The following ERCC6 variants were observed in gnomAD, a reference collection of about 807,000 sequenced individuals.
The protein encoded by ERCC6 is ERCC excision repair 6, chromatin remodeling factor.
In ERCC6, 116 loss-of-function variants were observed where a neutral mutation model predicts 158.7. That is an observed-to-expected ratio of 0.73 (90% confidence interval 0.63 to 0.85). ERCC6 has a LOEUF of 0.85. Among genes scored for constraint, ERCC6 ranks in the 40% least tolerant of loss-of-function variants. The pLI is 0.00. For synonymous variants in ERCC6, 678 were observed against 659.3 expected (o/e 1.03, Z -0.43); for missense variants, 1,698 against 1,799.4 (o/e 0.94, Z 1.02).
chr10:49,478,008 T>C (rs756377912), intron 11 of ERCC6, among the ~76,000 whole-genome samples: 16 of 152,200 alleles, frequency 1.1e-4, no homozygotes, highest in Admixed American at 2.6e-4. Context: ...TGAGTCCCCA[T>C]GAGAACAAAA....
downstream of ERCC6, among the ~76,000 whole-genome samples, chr10:49,451,404 A>C (rs191057620): frequency 2.8e-3 from 420 of 152,310 alleles, 1 homozygote; most frequent in African/African-American, 9.8e-3. Context: ...AAGTATAAAG[A>C]AAGCTGTAGA....
intron 18 of ERCC6, among the ~76,000 whole-genome samples, chr10:49,467,111 T>C (rs562847786): frequency 5.9e-5 from 9 of 152,224 alleles, no homozygotes; most frequent in Non-Finnish European, 1.0e-4. Context: ...GGATATGCCA[T>C]GGTTAGTTTA....
At position 49,526,131 on chromosome 10, in the gene ERCC6, A is replaced by T. The variant is rs112090508; in HGVS notation, c.653-1354T>A. On this transcript the variant is annotated intron_variant, in intron 4 of 20. Transcript: ENST00000355832. The stretch of plus-strand genomic sequence containing the variant: ...TTTATATATTTTTATATATATATAT[A>T]TATATATATATATATATATATATAT... Among the ~76,000 whole-genome samples, 88 of 17,422 alleles carry T rather than the reference A, an allele frequency of 5.1e-3. 3 individuals carry two copies. Among genetic ancestry groups the T allele is most frequent in the African/African-American group, 0.011 (80 of 7,332 alleles). 11.4% of individuals were successfully genotyped at this position (17,422 alleles called of 152,430 possible). A position where few individuals can be genotyped will look rare whatever the true frequency, so the allele number is the denominator to read the frequency against.
At chr10:49,539,249 C>T (rs1048529066), upstream of ERCC6, among the ~76,000 whole-genome samples, 4 of 152,272 alleles carry the variant, frequency 2.6e-5, no homozygotes, top group Admixed American at 1.3e-4. Flanking sequence ...TGCCGGTCAG[C>T]TGGGTGGCTT....
chr10:49,470,911 C>A, intron 17 of ERCC6, 22 bp from the exon 18 acceptor site: 1 of 1,613,598 alleles, frequency 6.2e-7, no homozygotes, highest in Non-Finnish European at 8.5e-7. Context: ...AAAAACACCA[C>A]TAATACTATA....
At chr10:49,485,865 A>G (rs1003788026) in intron 8 of ERCC6, among the ~76,000 whole-genome samples, 4 of 152,202 alleles carry the variant, frequency 2.6e-5, no homozygotes, top group Non-Finnish European at 5.9e-5. Flanking sequence ...ACCCACCACA[A>G]GACAGTGAGT....
chr10:49,465,339 T>C (rs890258872), intron 18 of ERCC6, among the ~76,000 whole-genome samples: 2 of 152,236 alleles, frequency 1.3e-5, no homozygotes, highest in Non-Finnish European at 2.9e-5. Context: ...AACCCTATTG[T>C]ATCTAGGAAG....
Position 49,457,617 on chromosome 10 carries a change from A to G in ERCC6, c.*1198T>C, listed in dbSNP as rs1850504757. On this transcript the variant is annotated 3_prime_UTR_variant, in exon 21 of 21. Coordinates refer to ENST00000355832, the MANE Select transcript of ERCC6 (RefSeq NM_000124.4). ...AGGAGGGCAGGCATACTACAGAAAA[A>G]TGAGAGAGAGGAAAAGAGCATGCCA... is the stretch of plus-strand genomic sequence containing the variant. 1 of 152,260 alleles carries G rather than the reference A, an allele frequency of 6.6e-6. No individual in the cohort carries two copies. The highest frequency in any genetic ancestry group is 2.4e-5 in the African/African-American group (1 of 41,458). 9.4% of individuals were successfully genotyped at this position (152,260 alleles called of 1,614,324 possible).
the ERCC6 span, among the ~76,000 whole-genome samples, chr10:49,436,996 T>C: frequency 6.6e-6 from 1 of 152,148 alleles, no homozygotes; most frequent in African/African-American, 2.4e-5. Context: ...GAATTGTAGC[T>C]CCCATAATTC....
At chr10:49,500,077 C>T (rs890032214) in intron 7 of ERCC6, among the ~76,000 whole-genome samples, 3 of 152,164 alleles carry the variant, frequency 2.0e-5, no homozygotes, top group African/African-American at 7.2e-5. Context: ...CTCCAACTCT[C>T]CCCATGAATA....
chr10:49,438,345 G>A, the ERCC6 span, among the ~76,000 whole-genome samples: 5 of 152,152 alleles, frequency 3.3e-5, no homozygotes, highest in Non-Finnish European at 7.3e-5. Flanking sequence ...GGAGGCAAAA[G>A]GCACTTCTTA....
In ERCC6 at chr10:49,472,971, G is replaced by C; in HGVS notation, c.2767C>G (p.Leu923Val). Residue 923 changes from leucine (L) to valine (V), a missense_variant, in exon 15 of 21, where the codon CTG becomes GTG. Physicochemically the swap from Leu to Val is conservative, Grantham distance 32 (BLOSUM62 1). Transcript: ENST00000355832. Reference protein sequence around the residue: ...TTRVGGLGVNLTGANRVVIYD... With the variant: ...TTRVGGLGVNVTGANRVVIYD... ...ATGACAACTCTGTTTGCCCCCGTCA[G>C]GTTGACACCTAAGCCGCCCACCCGC... The C allele has an allele frequency of 6.2e-7, 1 of 1,614,164 alleles. No homozygotes were observed. Among genetic ancestry groups the C allele is most frequent in the South Asian group, 1.1e-5 (1 of 91,078 alleles).
chr10:49,441,304 T>G, the ERCC6 span, among the ~76,000 whole-genome samples: 3 of 152,202 alleles, frequency 2.0e-5, no homozygotes, highest in African/African-American at 7.2e-5. Flanking sequence ...AGGATTTTAG[T>G]GCTTGCCACA....
chr10:49,498,504 G>A (rs1016092727), intron 7 of ERCC6, among the ~76,000 whole-genome samples: 2 of 152,144 alleles, frequency 1.3e-5, no homozygotes, highest in Admixed American at 1.3e-4. Flanking sequence ...GAGCGGGGGG[G>A]ACCACACTCC....
the ERCC6 span, among the ~76,000 whole-genome samples, chr10:49,443,154 A>T: frequency 6.6e-6 from 1 of 152,216 alleles, no homozygotes; most frequent in African/African-American, 2.4e-5. Flanking sequence ...ACTGAATTCT[A>T]ACTTCTGAAA....
intron 1 of ERCC6, among the ~76,000 whole-genome samples, chr10:49,535,277 G>A (rs773942113): frequency 2.0e-5 from 3 of 152,256 alleles, no homozygotes; most frequent in African/African-American, 2.4e-5. Context: ...GCAGCATGCA[G>A]TCAGAAATGC....
At position 49,470,789 on chromosome 10, in the gene ERCC6, A is replaced by G; in HGVS notation, c.3171T>C (p.Pro1057=). The G allele has an allele frequency of 6.2e-7, 1 of 1,614,196 alleles. No individual in the cohort carries two copies. The highest frequency in any genetic ancestry group is 8.5e-7 in the Non-Finnish European group (1 of 1,180,030). Residue 1057 remains proline (P), a synonymous_variant, in exon 18 of 21, where the codon CCT becomes CCC. Coordinates refer to ENST00000355832, the MANE Select transcript of ERCC6 (RefSeq NM_000124.4). ...DHDVPKRKKF[P]ASNISVNDAT... is the part of the protein sequence containing the mutation. ...CATCATTTACAGATATGTTAGAAGC[A>G]GGGAACTTCTTGCGTTTTGGAACAT...
chr10:49,515,146 AT>A (rs764106200), intron 5 of ERCC6: 2 of 1,298,648 alleles, frequency 1.5e-6, no homozygotes, highest in Non-Finnish European at 2.0e-6. Context: ...AATTTTTTGA[AT>A]TTTTGCATGA....
rs1850765501 is a variant in ERCC6, at chr10:49,470,845, TTC to T, written c.3113_3114del (p.Arg1038LysfsTer11). ...DVQTPKCHLK[R>X]RIQPAFGADH... The stretch of plus-strand genomic sequence containing the variant: ...TCTGCTCCAAAGGCTGGTTGAATCC[TTC>T]TTTTTAGATGGCATTTGGGTGTCTG... On this transcript the variant is annotated frameshift_variant, in exon 18 of 21. Transcript: ENST00000355832. LOFTEE classifies it high-confidence loss of function. 1 of 1,614,118 alleles carries T rather than the reference TTC, an allele frequency of 6.2e-7. No individual in the cohort carries two copies. The highest frequency in any genetic ancestry group is 1.1e-5 in the South Asian group (1 of 91,078).
Sources: allele counts gnomAD v4.1 joint callset (sites outside exome capture counted in the v4.1 genomes callset), GRCh38; gene constraint gnomAD v4.1.1; transcripts MANE v1.5; gene names NCBI Gene and HGNC (gene_info 2026-07-23, HGNC 2026-07-21).